Variants in TP53INP1 observed in about 807,000 individuals in gnomAD.
TP53INP1 encodes the protein tumor protein p53 inducible nuclear protein 1.
In TP53INP1, 12 loss-of-function variants were observed where a neutral mutation model predicts 21.0. The observed-to-expected ratio is 0.57, with a 90% CI of 0.37 to 0.93. The LOEUF is 0.93. Among genes scored for constraint, TP53INP1 ranks in the 40% least tolerant of loss-of-function variants. The pLI is 0.01. For synonymous variants in TP53INP1, 91 were observed against 94.8 expected (o/e 0.96, Z 0.23); for missense variants, 274 against 294.7 (o/e 0.93, Z 0.51).
intron 1 of TP53INP1, among the ~76,000 whole-genome samples, chr8:94,943,433 G>A (rs1821728617): frequency 6.6e-6 from 1 of 152,208 alleles, no homozygotes; most frequent in Admixed American, 6.5e-5. Flanking sequence ...GATGCAGTAA[G>A]CTATGATTGT....
intron 3 of TP53INP1, among the ~76,000 whole-genome samples, chr8:94,936,699 G>C (rs1219316478): frequency 1.3e-5 from 2 of 152,040 alleles, no homozygotes; most frequent in African/African-American, 2.4e-5. Context: ...GAAATTTGAG[G>C]GGTATATTAG....
intron 1 of TP53INP1, among the ~76,000 whole-genome samples, chr8:94,948,738 G>A (rs1483319298): frequency 1.3e-5 from 2 of 152,278 alleles, no homozygotes; most frequent in East Asian, 3.9e-4. Context: ...CCCATCCAAC[G>A]GCCGAGAGCA....
intron 3 of TP53INP1, among the ~76,000 whole-genome samples, chr8:94,931,445 TAAA>T (rs1820381791): frequency 6.6e-6 from 1 of 152,128 alleles, no homozygotes; most frequent in Non-Finnish European, 1.5e-5. Flanking sequence ...GTTTTCCATA[TAAA>T]AAAGCTAATC....
chr8:94,945,819 T>C (rs1397041778), intron 1 of TP53INP1, among the ~76,000 whole-genome samples: 4 of 152,222 alleles, frequency 2.6e-5, no homozygotes, highest in African/African-American at 7.2e-5. Context: ...TGTTGTTCTT[T>C]GAACAGCTTT....
At position 94,929,434 on chromosome 8, in the gene TP53INP1, A is replaced by G. The variant is rs974138382; in HGVS notation, c.*1045T>C. ...CAAGGCAATTAAAAAAAAAAAAAGAAAAAAGTTGAGCCAACCTGTCACTCT... is the reference window on the plus strand; with the variant it reads ...CAAGGCAATTAAAAAAAAAAAAAGAGAAAAGTTGAGCCAACCTGTCACTCT... On this transcript the variant is annotated 3_prime_UTR_variant, in exon 4 of 4. Transcript: ENST00000342697. 4.6e-5 allele frequency: 7 copies of G among 152,128 alleles called. No individual in the cohort carries two copies. The highest frequency in any genetic ancestry group is 1.0e-4 in the Non-Finnish European group (7 of 68,030). The allele number at this position is 152,128 out of a possible 1,614,324, so 9.4% of individuals were successfully genotyped here.
chr8:94,936,764 A>G (rs1821015318), intron 3 of TP53INP1, among the ~76,000 whole-genome samples: 1 of 152,140 alleles, frequency 6.6e-6, no homozygotes, highest in Non-Finnish European at 1.5e-5. Context: ...GGTGACTGGG[A>G]CTGGAAGCAG....
intron 3 of TP53INP1, among the ~76,000 whole-genome samples, chr8:94,938,581 G>C (rs1294768212): frequency 6.6e-6 from 1 of 152,214 alleles, no homozygotes; most frequent in Non-Finnish European, 1.5e-5. Flanking sequence ...GAGAGGGTCT[G>C]AAGGTTAAGC....
Position 94,930,385 on chromosome 8 carries a change from G to C in TP53INP1, c.*94C>G. 6.7e-7 allele frequency: 1 copy of C among 1,501,020 alleles called. No homozygotes were observed. The highest frequency in any genetic ancestry group is 9.0e-7 in the Non-Finnish European group (1 of 1,105,502). 93.0% of individuals were successfully genotyped at this position (1,501,020 alleles called of 1,614,324 possible). A position where few individuals can be genotyped will look rare whatever the true frequency, so the allele number is the denominator to read the frequency against. On this transcript the variant is annotated 3_prime_UTR_variant, in exon 4 of 4. Coordinates refer to ENST00000342697, the MANE Select transcript of TP53INP1 (RefSeq NM_033285.4). ...AAAACTATGTGATTGGTTATCAATT[G>C]GTTGTAAAGAGACAACATTTTCACT...
chr8:94,935,426 A>G (rs560634941), intron 3 of TP53INP1, among the ~76,000 whole-genome samples: 1 of 152,340 alleles, frequency 6.6e-6, no homozygotes, highest in Non-Finnish European at 1.5e-5. Flanking sequence ...TTTCCTAGCT[A>G]TATTCTCTGG....
chr8:94,930,690 CAATG>C lies in TP53INP1; in HGVS notation c.508_511del (p.His170ValfsTer25). 1 of 1,614,190 alleles carries C rather than the reference CAATG, an allele frequency of 6.2e-7. No homozygotes were observed. Among genetic ancestry groups the C allele is most frequent in the Non-Finnish European group, 8.5e-7 (1 of 1,180,028 alleles). On this transcript the variant is annotated frameshift_variant, in exon 4 of 4. Transcript: ENST00000342697. LOFTEE classifies it high-confidence loss of function. ...ATGAGCAGCAAGAGCTGCAACATAACAATGAATATGCTGCCCCATTTCATTTTGA... is the reference window on the plus strand; with the variant it reads ...ATGAGCAGCAAGAGCTGCAACATAACAATATGCTGCCCCATTTCATTTTGA...
At position 94,930,701 on chromosome 8, in the gene TP53INP1, C is replaced by G; in HGVS notation, c.501G>C (p.Gln167His). ...GAGCTGCAACATAACAATGAATATG[C>G]TGCCCCATTTCATTTTGAGCTTCCA... ...PRVEAQNEMG[Q>H]HIHCYVAALA... Residue 167 changes from glutamine (Q) to histidine (H), a missense_variant, in exon 4 of 4, where the codon CAG (glutamine) becomes CAC (histidine). By Grantham distance (24) the Gln-to-His change is conservative (BLOSUM62 0). Transcript: ENST00000342697. 6.2e-7 allele frequency: 1 copy of G among 1,614,156 alleles called. No homozygotes were observed. Among genetic ancestry groups the G allele is most frequent in the Non-Finnish European group, 8.5e-7 (1 of 1,180,002 alleles).
chr8:94,930,228 CTG>C lies in TP53INP1; in HGVS notation c.*249_*250del. 2.1e-6 allele frequency: 1 copy of C among 486,496 alleles called. No homozygotes were observed. The highest frequency in any genetic ancestry group is 3.1e-5 in the South Asian group (1 of 32,480). The allele number at this position is 486,496 out of a possible 1,614,324, so 30.1% of individuals were successfully genotyped here. On this transcript the variant is annotated 3_prime_UTR_variant, in exon 4 of 4. Coordinates refer to ENST00000342697, the MANE Select transcript of TP53INP1 (RefSeq NM_033285.4). ...ATATATTTAAAGACACCCCCAAACA[CTG>C]TAATTATATTGATATGTTTCCAGAA...
chr8:94,948,874 G>A (rs1822269446), intron 1 of TP53INP1, among the ~76,000 whole-genome samples: 1 of 151,844 alleles, frequency 6.6e-6, no homozygotes, highest in Admixed American at 6.6e-5. Context: ...GCCCAGCGCC[G>A]GGGCCAGGCC....
Position 94,940,020 on chromosome 8 carries a change from T to C in TP53INP1, c.313A>G (p.Thr105Ala). The change falls in exon 3 of 4, where the codon ACT becomes GCT. Residue 105 changes from threonine (T) to alanine (A), a missense_variant. Thr to Ala is a moderately conservative substitution (Grantham distance 58, BLOSUM62 0). Transcript: ENST00000342697. ...SWFITPPPCF[T>A]AGGLTTIKVE... ...TTGATAGTGGTTAATCCACCTGCAG[T>C]AAAACATGGGGGTGGGGTGATAAAC... 6.2e-7 allele frequency: 1 copy of C among 1,614,086 alleles called. No homozygotes were observed. The highest frequency in any genetic ancestry group is 1.1e-5 in the South Asian group (1 of 91,078).
rs1358894403 is a variant in TP53INP1, at chr8:94,926,448, A to G, written c.*4031T>C. 1.3e-5 allele frequency: 2 copies of G among 150,840 alleles called. No individual in the cohort carries two copies. Among genetic ancestry groups the G allele is most frequent in the African/African-American group, 4.9e-5 (2 of 40,864 alleles). 9.3% of individuals were successfully genotyped at this position (150,840 alleles called of 1,614,324 possible). ...AAAAAAAAAAACACACGCAATTATT[A>G]AAGTTCAAAATCTCTGGAGGAAAAT... On this transcript the variant is annotated 3_prime_UTR_variant, in exon 4 of 4. Transcript: ENST00000342697.
intron 3 of TP53INP1, among the ~76,000 whole-genome samples, chr8:94,936,595 T>A (rs1239325643): frequency 6.6e-6 from 1 of 152,202 alleles, no homozygotes; most frequent in African/African-American, 2.4e-5. Flanking sequence ...TTTTACTGAC[T>A]CATGGGCAGT....
At chr8:94,931,780 T>C (rs1820427033) in intron 3 of TP53INP1, among the ~76,000 whole-genome samples, 1 of 152,114 alleles carries the variant, frequency 6.6e-6, no homozygotes, top group Non-Finnish European at 1.5e-5. Flanking sequence ...AAGACCAGCC[T>C]GGCCAACATG....
At position 94,929,599 on chromosome 8, in the gene TP53INP1, A is replaced by G. The variant is rs1002464887; in HGVS notation, c.*880T>C. On this transcript the variant is annotated 3_prime_UTR_variant, in exon 4 of 4. Transcript: ENST00000342697. ...TCTTTTCCCATGGGCAGAGAGAAAT[A>G]TGAAGTCACTTGAGTGCCTGGACAA... 1 of 152,178 alleles carries G rather than the reference A, an allele frequency of 6.6e-6. No homozygotes were observed. Among genetic ancestry groups the G allele is most frequent in the Admixed American group, 6.5e-5 (1 of 15,272 alleles). 9.4% of individuals were successfully genotyped at this position (152,178 alleles called of 1,614,324 possible).
At chr8:94,931,679 GAA>G (rs1563721299) in intron 3 of TP53INP1, among the ~76,000 whole-genome samples, 1 of 151,872 alleles carries the variant, frequency 6.6e-6, no homozygotes, top group African/African-American at 2.4e-5. Context: ...TTAATATAAA[GAA>G]AATTATTTTT....
Sources: gnomAD v4.1 joint callset for allele counts (sites outside exome capture counted in the v4.1 genomes callset) on GRCh38, gnomAD v4.1.1 for gene constraint, MANE v1.5 for transcripts, NCBI Gene and HGNC (gene_info 2026-07-23, HGNC 2026-07-21) for gene names.